The following EEFSEC variants were observed in gnomAD, a reference collection of about 807,000 sequenced individuals.
EEFSEC encodes the protein eukaryotic elongation factor, selenocysteine-tRNA specific.
In EEFSEC, 43 loss-of-function variants were observed where a neutral mutation model predicts 42.1. The ratio of observed to expected loss-of-function variants is 1.02; its 90% CI spans 0.80 to 1.32. EEFSEC has a LOEUF of 1.32. Among genes scored for constraint, EEFSEC ranks in the 40% most tolerant of loss-of-function variants. The probability of loss-of-function intolerance (pLI) is 0.00; values close to 1 mark genes in which losing one functional copy is unlikely to be tolerated. For missense variants in EEFSEC, 745 were observed against 803.6 expected, an observed-to-expected ratio of 0.93 and a Z score of 0.88; for synonymous variants, 354 against 339.1, an observed-to-expected ratio of 1.04 and a Z score of -0.48.
At chr3:128,421,654 G>A in the EEFSEC span, among the ~76,000 whole-genome samples, 1 of 152,216 alleles carries the variant, frequency 6.6e-6, no homozygotes, top group African/African-American at 2.4e-5. Context: ...CACAGAGGGA[G>A]GAGGAAGAGC....
At chr3:128,267,048 G>C (rs144253865) in intron 4 of EEFSEC, among the ~76,000 whole-genome samples, 9 of 152,170 alleles carry the variant, frequency 5.9e-5, no homozygotes, top group South Asian at 2.1e-4. Context: ...AGAGGACCTG[G>C]GAGTATGAAA....
rs1451965581 is a variant in EEFSEC, at chr3:128,408,273, T to G, written c.*14T>G. On this transcript the variant is annotated 3_prime_UTR_variant, in exon 7 of 7. Coordinates refer to ENST00000254730, the MANE Select transcript of EEFSEC (RefSeq NM_021937.5). ...CAGTCTCCCTGAGTGTCCGGTGACC[T>G]CCCCCAGGGCCTCCTTGCCCAGCCC... is the stretch of plus-strand genomic sequence containing the variant. 6.5e-7 allele frequency: 1 copy of G among 1,542,586 alleles called. No homozygotes were observed. Among genetic ancestry groups the G allele is most frequent in the African/African-American group, 1.4e-5 (1 of 72,562 alleles).
At chr3:128,415,966 C>G in the EEFSEC span, among the ~76,000 whole-genome samples, 1 of 152,216 alleles carries the variant, frequency 6.6e-6, no homozygotes, top group African/African-American at 2.4e-5. Context: ...GTGGGAAGGA[C>G]TAGCCCAAGC....
intron 6 of EEFSEC, among the ~76,000 whole-genome samples, chr3:128,389,891 T>G (rs896506381): frequency 3.9e-5 from 6 of 152,294 alleles, no homozygotes; most frequent in African/African-American, 1.4e-4. Flanking sequence ...GTGGATCCAG[T>G]CCCACCTTCT....
Position 128,370,745 on chromosome 3 carries a change from G to A in EEFSEC, c.1600+12372G>A, listed in dbSNP as rs140691356. Among the ~76,000 whole-genome samples the A allele has an allele frequency of 8.0e-3, 1,216 of 152,360 alleles. 14 individuals are homozygous for A. The highest frequency in any genetic ancestry group is 0.033 in the South Asian group (160 of 4,824). ...ACTGGCTCTAGGCCCATCCCAGGGG[G>A]CACCGTTTGGGTGGAGATGTTACAG... On this transcript the variant is annotated intron_variant, in intron 6 of 6. Coordinates refer to ENST00000254730, the MANE Select transcript of EEFSEC (RefSeq NM_021937.5).
At chr3:128,338,526 T>G (rs1213717674) in intron 4 of EEFSEC, among the ~76,000 whole-genome samples, 2 of 151,940 alleles carry the variant, frequency 1.3e-5, no homozygotes, top group East Asian at 3.9e-4. Flanking sequence ...TTCTAGGAGG[T>G]CCATGGGAGC....
intron 1 of EEFSEC, among the ~76,000 whole-genome samples, chr3:128,238,381 C>G (rs1337780053): frequency 6.6e-6 from 1 of 152,240 alleles, no homozygotes; most frequent in Non-Finnish European, 1.5e-5. Flanking sequence ...TATGCATATT[C>G]TAACAGGTAC....
rs993241978 is a variant in EEFSEC at position 128,245,692 on chromosome 3, C to T, written c.317-1144C>T. 3.4e-4 allele frequency among the ~76,000 whole-genome samples: 52 copies of T among 152,098 alleles called. 1 individual carries two copies. Among genetic ancestry groups the T allele is most frequent in the African/African-American group, 1.2e-3 (51 of 41,412 alleles). Reference sequence around the variant, plus strand: ...CAGGAGCCCTGATTTCTAGTGTCTTCGATACTAGTTGGCTGTGTGATCTAG... The same window carrying T: ...CAGGAGCCCTGATTTCTAGTGTCTTTGATACTAGTTGGCTGTGTGATCTAG... On this transcript the variant is annotated intron_variant, in intron 1 of 6. Transcript: ENST00000254730.
chr3:128,420,780 G>T, the EEFSEC span, among the ~76,000 whole-genome samples: 4 of 152,172 alleles, frequency 2.6e-5, no homozygotes, highest in African/African-American at 9.7e-5. Context: ...TGCCACCCTG[G>T]CTGGGCTCCC....
intron 1 of EEFSEC, among the ~76,000 whole-genome samples, chr3:128,238,962 C>T (rs1190683567): frequency 6.6e-6 from 1 of 152,244 alleles, no homozygotes; most frequent in Non-Finnish European, 1.5e-5. Flanking sequence ...ACTCTTAATG[C>T]ATCATGGGAC....
At chr3:128,346,444 A>T (rs2067312974) in intron 5 of EEFSEC, among the ~76,000 whole-genome samples, 1 of 152,056 alleles carries the variant, frequency 6.6e-6, no homozygotes, top group Admixed American at 6.5e-5. Context: ...CTTTTTTGAC[A>T]TTGTTTTTCT....
At chr3:128,397,540 G>A (rs1253004808) in intron 6 of EEFSEC, among the ~76,000 whole-genome samples, 3 of 152,226 alleles carry the variant, frequency 2.0e-5, no homozygotes, top group South Asian at 2.1e-4. Flanking sequence ...TGGCCAAGCC[G>A]CATCCCAGCT....
At chr3:128,181,526 G>T (rs114235497) in intron 1 of EEFSEC, among the ~76,000 whole-genome samples, 1 of 152,202 alleles carries the variant, frequency 6.6e-6, no homozygotes, top group African/African-American at 2.4e-5. Context: ...AAGAGAAGCG[G>T]TGATATAAAA....
In EEFSEC at chr3:128,408,494, C is replaced by G; in HGVS notation, c.*235C>G. 1 of 409,946 alleles carries G rather than the reference C, an allele frequency of 2.4e-6. No homozygotes were observed. The allele number at this position is 409,946 out of a possible 1,614,324, so 25.4% of individuals were successfully genotyped here. ...CACTCCCACCCAGGACAGCCCCCAG[C>G]CCAACTAGGAAAGGGCCATGGGCAG... On this transcript the variant is annotated 3_prime_UTR_variant, in exon 7 of 7. Transcript: ENST00000254730.
chr3:128,242,606 A>G (rs2066083670), intron 1 of EEFSEC, among the ~76,000 whole-genome samples: 1 of 152,190 alleles, frequency 6.6e-6, no homozygotes, highest in African/African-American at 2.4e-5. Context: ...CTTCAGTCCC[A>G]AAAGGAAAAT....
chr3:128,253,980 G>A (rs1317232210), intron 2 of EEFSEC, among the ~76,000 whole-genome samples: 1 of 152,158 alleles, frequency 6.6e-6, no homozygotes, highest in African/African-American at 2.4e-5. Context: ...AAAAAAATCT[G>A]ATTTTCTTCA....
chr3:128,199,671 T>C (rs1030334418), intron 1 of EEFSEC, among the ~76,000 whole-genome samples: 2 of 152,238 alleles, frequency 1.3e-5, no homozygotes, highest in Non-Finnish European at 2.9e-5. Context: ...GGCAGTTGCA[T>C]TTTAAAAAGT....
chr3:128,264,990 C>T (rs532504045), intron 4 of EEFSEC, among the ~76,000 whole-genome samples: 1 of 152,302 alleles, frequency 6.6e-6, no homozygotes, highest in South Asian at 2.1e-4. Flanking sequence ...CTCCCTAATT[C>T]TCATAGCGCC....
At position 128,209,849 on chromosome 3, in the gene EEFSEC, T is replaced by C. The variant is rs371689359; in HGVS notation, c.317-36987T>C. ...GTAGATTATGTCCCCAGTTGAGACTTGCTCATCGTTCAATCAAAGAAATGG... is the reference window on the plus strand; with the variant it reads ...GTAGATTATGTCCCCAGTTGAGACTCGCTCATCGTTCAATCAAAGAAATGG... On this transcript the variant is annotated intron_variant, in intron 1 of 6. Coordinates refer to ENST00000254730, the MANE Select transcript of EEFSEC (RefSeq NM_021937.5). Among the ~76,000 whole-genome samples the C allele has an allele frequency of 1.8e-4, 28 of 152,342 alleles. 2 individuals are homozygous for C. The Middle Eastern group carries it at 0.024, about 130-fold the overall frequency.
Sources: gnomAD v4.1 joint callset for allele counts (sites outside exome capture counted in the v4.1 genomes callset) on GRCh38, gnomAD v4.1.1 for gene constraint, MANE v1.5 for transcripts, NCBI Gene and HGNC (gene_info 2026-07-23, HGNC 2026-07-21) for gene names.